The following GREB1L variants were observed in gnomAD, a reference collection of about 807,000 sequenced individuals.
GREB1L encodes GREB1-like protein.
Under a neutral mutation model 200.8 loss-of-function variants are expected in GREB1L, and 17 were observed. That is an observed-to-expected ratio of 0.08 (90% CI 0.06 to 0.13). The LOEUF (loss-of-function observed/expected upper bound fraction) is 0.13, where lower values mean the gene tolerates loss of function less well. Among genes scored for constraint, GREB1L ranks in the 10% least tolerant of loss-of-function variants. The pLI, the probability that GREB1L is intolerant of heterozygous loss-of-function variation, is 1.00. For missense variants in GREB1L, 1,657 were observed against 2,367.7 expected, an observed-to-expected ratio of 0.70 and a Z score of 6.23; for synonymous variants, 789 against 893.0, an observed-to-expected ratio of 0.88 and a Z score of 2.08.
rs2034412641 is a variant in GREB1L at position 21,449,532 on chromosome 18, G to A, written c.1416G>A (p.Arg472=). Residue 472 remains arginine (R), a synonymous_variant, in exon 12 of 33, where the codon AGG becomes AGA. Transcript: ENST00000424526. Reference sequence around the variant, plus strand: ...TAGGTCCTGATCAGGTACCTCTCAGGGAAGAATTTGAGCAAATTATGCTGA... The same window carrying A: ...TAGGTCCTGATCAGGTACCTCTCAGAGAAGAATTTGAGCAAATTATGCTGA... ...VRLGPDQVPL[R]EEFEQIMLKA... 1 of 1,547,142 alleles carries A rather than the reference G, an allele frequency of 6.5e-7. No homozygotes were observed. Among genetic ancestry groups the A allele is most frequent in the Admixed American group, 2.0e-5 (1 of 50,566 alleles).
At chr18:21,351,002 G>A (rs1161005809) in intron 1 of GREB1L, among the ~76,000 whole-genome samples, 1 of 152,084 alleles carries the variant, frequency 6.6e-6, no homozygotes, top group African/African-American at 2.4e-5. Flanking sequence ...GGGAGTTTGA[G>A]TTTCTGCCCC....
At chr18:21,354,276 A>G (rs2143386882) in intron 1 of GREB1L, among the ~76,000 whole-genome samples, 1 of 152,270 alleles carries the variant, frequency 6.6e-6, no homozygotes, top group South Asian at 2.1e-4. Flanking sequence ...CCAATCTGAT[A>G]CGTTAGATTA....
chr18:21,514,182 A>C (rs2037337024), intron 28 of GREB1L, among the ~76,000 whole-genome samples, 196 bp downstream of exon 28: 2 of 152,202 alleles, frequency 1.3e-5, no homozygotes, highest in African/African-American at 4.8e-5. Context: ...AGCCCATTAA[A>C]TTCCTGGACC....
intron 32 of GREB1L, among the ~76,000 whole-genome samples, chr18:21,522,315 CA>C (rs1156244027): frequency 2.7e-5 from 4 of 149,842 alleles, no homozygotes; most frequent in South Asian, 2.1e-4. Flanking sequence ...TACTAAAATA[CA>C]AAAAAAAATT....
chr18:21,448,675 T>A (rs182580020), intron 11 of GREB1L, among the ~76,000 whole-genome samples: 1 of 152,324 alleles, frequency 6.6e-6, no homozygotes, highest in East Asian at 1.9e-4. Flanking sequence ...AATGATTGAA[T>A]AGAGGGAGTG....
chr18:21,485,839 C>CG (rs2145815038), intron 18 of GREB1L, 86 bp downstream of exon 18: 1 of 1,349,256 alleles, frequency 7.4e-7, no homozygotes, highest in South Asian at 1.4e-5. Context: ...GTCAGTGCTA[C>CG]GGGGTGTTTG....
Position 21,518,160 on chromosome 18 carries a change from C to T in GREB1L, c.5398C>T (p.Leu1800Phe). 1 of 1,551,686 alleles carries T rather than the reference C, an allele frequency of 6.4e-7. No individual in the cohort carries two copies. Among genetic ancestry groups the T allele is most frequent in the Non-Finnish European group, 8.7e-7 (1 of 1,146,992 alleles). The change falls in exon 31 of 33, where the codon CTC (leucine) becomes TTC (phenylalanine). Residue 1800 changes from leucine to phenylalanine, a missense_variant. Around this residue, in one of 9 missense-constraint regions of GREB1L, gnomAD observed 190 missense variants for 230.2 expected, o/e 0.83. Coordinates refer to ENST00000424526, the MANE Select transcript of GREB1L (RefSeq NM_001142966.3). ...EKFLQHASYK[L>F]FPKAIHNFRS... ...ATTCCTTCAGCACGCCTCATATAAA[C>T]TCTTCCCCAAAGCCATCCATAACTT...
intron 1 of GREB1L, among the ~76,000 whole-genome samples, chr18:21,252,355 C>T (rs1357956260): frequency 6.6e-6 from 1 of 151,642 alleles, no homozygotes; most frequent in African/African-American, 2.4e-5. Flanking sequence ...GTCGGGAGTT[C>T]GAGACCAGCC....
chr18:21,417,270 C>T (rs531149882), intron 7 of GREB1L, among the ~76,000 whole-genome samples: 1 of 152,146 alleles, frequency 6.6e-6, no homozygotes, highest in South Asian at 2.1e-4. Flanking sequence ...GCCTGTAATC[C>T]TAGCACTTTG....
At chr18:21,522,255 G>A (rs1037802028) in intron 32 of GREB1L, among the ~76,000 whole-genome samples, 1 of 151,820 alleles carries the variant, frequency 6.6e-6, no homozygotes, top group East Asian at 1.9e-4. Context: ...GGTGGATCAC[G>A]AGGTCAGGAG....
chr18:21,311,295 C>G (rs553505326), intron 1 of GREB1L, among the ~76,000 whole-genome samples: 1 of 152,310 alleles, frequency 6.6e-6, no homozygotes, highest in East Asian at 1.9e-4. Flanking sequence ...AAGCAAATTA[C>G]ACATAAAATT....
intron 7 of GREB1L, among the ~76,000 whole-genome samples, chr18:21,423,150 C>T (rs1281229832): frequency 2.0e-5 from 3 of 152,108 alleles, no homozygotes; most frequent in South Asian, 2.1e-4. Flanking sequence ...GGGCTCATCT[C>T]GAACTCCTGA....
intron 1 of GREB1L, among the ~76,000 whole-genome samples, chr18:21,263,922 A>G (rs9807742): frequency 0.018 from 2,682 of 152,300 alleles, 87 homozygotes; most frequent in African/African-American, 0.061. Flanking sequence ...TACAAAAACA[A>G]TCATTTTCAC....
At chr18:21,376,020 A>G (rs937291451) in intron 2 of GREB1L, among the ~76,000 whole-genome samples, 6 of 152,220 alleles carry the variant, frequency 3.9e-5, no homozygotes, top group African/African-American at 1.4e-4. Flanking sequence ...ATGACTGTAT[A>G]TTCTGAAATC....
chr18:21,417,159 A>G (rs1333489655), intron 7 of GREB1L, among the ~76,000 whole-genome samples: 5 of 152,244 alleles, frequency 3.3e-5, no homozygotes, highest in Non-Finnish European at 7.3e-5. Context: ...CAGATTTCTC[A>G]TGGGAAACAA....
intron 1 of GREB1L, among the ~76,000 whole-genome samples, chr18:21,319,106 G>T (rs2038914708): frequency 6.6e-6 from 1 of 152,208 alleles, no homozygotes; most frequent in Non-Finnish European, 1.5e-5. Context: ...GCAAGAACAA[G>T]CAGATATCCA....
intron 1 of GREB1L, among the ~76,000 whole-genome samples, chr18:21,321,667 G>A (rs567745245): frequency 5.9e-5 from 9 of 152,140 alleles, no homozygotes; most frequent in Middle Eastern, 3.4e-3. Context: ...AAGCCTGGGC[G>A]ACACAGTGAG....
chr18:21,388,533 CTTTTTTTTTT>C (rs768141691), intron 4 of GREB1L, among the ~76,000 whole-genome samples: 8 of 74,650 alleles, frequency 1.1e-4, no homozygotes, highest in Non-Finnish European at 1.4e-4. Context: ...CCTTAGGTTC[CTTTTTTTTTT>C]TTTTTTTTTT....
At chr18:21,258,505 C>T (rs941212959) in intron 1 of GREB1L, among the ~76,000 whole-genome samples, 21 of 152,130 alleles carry the variant, frequency 1.4e-4, no homozygotes, top group Non-Finnish European at 2.9e-4. Context: ...GGCCAAACTT[C>T]CTTCTGATCT....
Sources: gnomAD v4.1 joint callset for allele counts (sites outside exome capture counted in the v4.1 genomes callset) on GRCh38, gnomAD v4.1.1 for gene constraint, gnomAD v4.1.1 regional missense constraint, MANE v1.5 for transcripts, NCBI Gene and HGNC (gene_info 2026-07-23, HGNC 2026-07-21) for gene names.